The following SLC9D1 variants were observed in gnomAD, a reference collection of about 807,000 sequenced individuals.
SLC9D1 encodes solute carrier family 9 member D1.
the SLC9D1 span, among the ~76,000 whole-genome samples, chr13:113,507,360 G>A: frequency 1.5e-3 from 228 of 152,170 alleles, 1 homozygote; most frequent in African/African-American, 5.1e-3. Flanking sequence ...TAAATATCTG[G>A]CCAAGCTTTA....
chr13:113,531,337 G>A, the SLC9D1 span, among the ~76,000 whole-genome samples: 5 of 152,226 alleles, frequency 3.3e-5, no homozygotes, highest in Admixed American at 2.0e-4. Context: ...TCACCTGTCC[G>A]CAGGTCAGAT....
the SLC9D1 span, among the ~76,000 whole-genome samples, chr13:113,499,250 T>C: frequency 1.3e-5 from 2 of 152,132 alleles, no homozygotes; most frequent in African/African-American, 2.4e-5. Flanking sequence ...CATCTTGGTT[T>C]TGGTGGGTTT....
chr13:113,498,399 A>G, the SLC9D1 span: 12 of 1,578,780 alleles, frequency 7.6e-6, no homozygotes, highest in Admixed American at 2.4e-4. Flanking sequence ...TGAAGCCCTT[A>G]AAAATATGCA....
At chr13:113,503,564 A>G in the SLC9D1 span, 1 of 1,613,640 alleles carries the variant, frequency 6.2e-7, no homozygotes, top group Non-Finnish European at 8.5e-7. Flanking sequence ...TTGGCTTAGA[A>G]TTTTCTCCAG....
At chr13:113,497,151 GTCAA>G in the SLC9D1 span, among the ~76,000 whole-genome samples, 1 of 151,196 alleles carries the variant, frequency 6.6e-6, no homozygotes, top group South Asian at 2.1e-4. Flanking sequence ...TTGTGTGTCA[GTCAA>G]ACCTGCATCT....
the SLC9D1 span, among the ~76,000 whole-genome samples, chr13:113,546,474 C>A: frequency 1.3e-5 from 2 of 152,110 alleles, no homozygotes; most frequent in East Asian, 3.9e-4. The surrounding 1 kb of genome is among the most constrained non-coding windows in gnomAD (Gnocchi z 7.1). Context: ...CCAGAGAAGG[C>A]AGCCCTCAAG....
the SLC9D1 span, chr13:113,495,388 G>T: frequency 2.0e-6 from 1 of 509,404 alleles, no homozygotes; most frequent in Non-Finnish European, 3.4e-6. Flanking sequence ...ATTTATCTAG[G>T]AAAAATGAGA....
the SLC9D1 span, among the ~76,000 whole-genome samples, chr13:113,544,041 C>A: frequency 3.3e-5 from 5 of 152,354 alleles, no homozygotes; most frequent in South Asian, 1.0e-3. Flanking sequence ...GGCACCTTTG[C>A]CTCTGTGCGT....
At chr13:113,510,985 TG>T in the SLC9D1 span, among the ~76,000 whole-genome samples, 1 of 116,522 alleles carries the variant, frequency 8.6e-6, no homozygotes, top group African/African-American at 4.0e-5. Flanking sequence ...GGGAGGACAG[TG>T]GAAGCCGACT....
chr13:113,524,550 A>G, the SLC9D1 span, among the ~76,000 whole-genome samples: 1 of 152,094 alleles, frequency 6.6e-6, no homozygotes, highest in African/African-American at 2.4e-5. Flanking sequence ...TGGCCGGGCC[A>G]GTCTCAAACT....
chr13:113,514,154 T>C, the SLC9D1 span: 4 of 152,202 alleles, frequency 2.6e-5, no homozygotes, highest in African/African-American at 9.7e-5. Flanking sequence ...TACTGATACA[T>C]ATGACACATT....
the SLC9D1 span, among the ~76,000 whole-genome samples, chr13:113,498,966 T>A: frequency 6.6e-6 from 1 of 152,184 alleles, no homozygotes; most frequent in South Asian, 2.1e-4. Flanking sequence ...CAATGGCAAC[T>A]CCATAGGCGA....
chr13:113,495,781 T>C, the SLC9D1 span: 1 of 1,614,058 alleles, frequency 6.2e-7, no homozygotes, highest in Non-Finnish European at 8.5e-7. Flanking sequence ...AAGAATGCAG[T>C]TCTGAACAAA....
chr13:113,536,116 G>T, the SLC9D1 span, among the ~76,000 whole-genome samples: 2 of 152,154 alleles, frequency 1.3e-5, no homozygotes, highest in East Asian at 1.9e-4. Context: ...GGTGGCTCAC[G>T]CCTGTAATCG....
the SLC9D1 span, chr13:113,527,268 T>C: frequency 3.3e-5 from 5 of 152,236 alleles, no homozygotes; most frequent in Non-Finnish European, 7.3e-5. Context: ...CCCATTCTGG[T>C]GTTCTTCTTT....
the SLC9D1 span, among the ~76,000 whole-genome samples, chr13:113,498,831 T>A: frequency 6.6e-6 from 1 of 152,228 alleles, no homozygotes; most frequent in Non-Finnish European, 1.5e-5. Flanking sequence ...TTGGGTTTAA[T>A]GCTGATCTAC....
At chr13:113,524,144 C>T in the SLC9D1 span, 6 of 456,210 alleles carry the variant, frequency 1.3e-5, no homozygotes, top group Middle Eastern at 3.2e-4. Flanking sequence ...TGCGCTATTT[C>T]GTGTTCTTGC....
the SLC9D1 span, among the ~76,000 whole-genome samples, chr13:113,502,744 CA>C: frequency 6.6e-6 from 1 of 152,266 alleles, no homozygotes; most frequent in Middle Eastern, 3.4e-3. Context: ...GGAGGCGTGC[CA>C]GGGGGTGGGA....
At chr13:113,546,582 G>A in the SLC9D1 span, among the ~76,000 whole-genome samples, 1 of 152,188 alleles carries the variant, frequency 6.6e-6, no homozygotes, top group East Asian at 1.9e-4. The surrounding 1 kb of genome is among the most constrained non-coding windows in gnomAD (Gnocchi z 7.1). Context: ...ACGGCAGAAA[G>A]GTCATGGGCC....
Sources: allele counts gnomAD v4.1 joint callset (sites outside exome capture counted in the v4.1 genomes callset), GRCh38; gene constraint gnomAD v4.1.1; non-coding constraint Gnocchi (gnomAD v3.1); transcripts MANE v1.5; gene names NCBI Gene and HGNC (gene_info 2026-07-23, HGNC 2026-07-21).